The following RASGRF2 variants were observed in gnomAD, a reference collection of about 807,000 sequenced individuals.
RASGRF2 encodes Ras protein specific guanine nucleotide releasing factor 2.
Under a neutral mutation model 151.0 loss-of-function variants are expected in RASGRF2, and 76 were observed. That is an observed-to-expected ratio of 0.50 (90% CI 0.42 to 0.61). The LOEUF (loss-of-function observed/expected upper bound fraction) is 0.61, where lower values mean the gene tolerates loss of function less well. Ranked by LOEUF, RASGRF2 falls within the 20% of genes least tolerant of loss-of-function variation. RASGRF2 has a pLI of 0.00. For missense variants in RASGRF2, 1,148 were observed against 1,564.6 expected (o/e 0.73, Z 4.49); for synonymous variants, 504 against 566.5 (o/e 0.89, Z 1.57).
chr5:81,058,862 A>G (rs969614661), intron 2 of RASGRF2, among the ~76,000 whole-genome samples: 9 of 151,940 alleles, frequency 5.9e-5, no homozygotes, highest in African/African-American at 2.2e-4. Flanking sequence ...AAATCATATT[A>G]GATCATATTA....
intron 3 of RASGRF2, chr5:81,070,256 C>T: frequency 2.5e-6 from 1 of 406,134 alleles, no homozygotes; most frequent in Non-Finnish European, 4.6e-6. Context: ...TCTGCTAGCC[C>T]AGATCCCCGG....
chr5:81,158,597 T>G (rs184056985), intron 17 of RASGRF2, among the ~76,000 whole-genome samples: 212 of 151,968 alleles, frequency 1.4e-3, no homozygotes, highest in African/African-American at 5.0e-3. Flanking sequence ...TAAAGAAGTT[T>G]TACACCTCAA....
chr5:81,050,921 C>G (rs1750990082), intron 2 of RASGRF2, among the ~76,000 whole-genome samples: 1 of 152,132 alleles, frequency 6.6e-6, no homozygotes, highest in African/African-American at 2.4e-5. Context: ...CTGATTTAAT[C>G]TCCCTCCATT....
At chr5:80,982,064 G>C (rs555777835) in intron 1 of RASGRF2, among the ~76,000 whole-genome samples, 3 of 152,232 alleles carry the variant, frequency 2.0e-5, no homozygotes, top group Non-Finnish European at 4.4e-5. Context: ...GATCAGGACA[G>C]GCATTAGTGG....
chr5:80,981,985 G>C (rs947226387), intron 1 of RASGRF2, among the ~76,000 whole-genome samples: 6 of 152,316 alleles, frequency 3.9e-5, no homozygotes, highest in Admixed American at 2.6e-4. Context: ...GGGAAATACA[G>C]TTTTAACAAT....
chr5:81,012,533 G>A (rs746742100), intron 1 of RASGRF2, among the ~76,000 whole-genome samples: 4 of 152,224 alleles, frequency 2.6e-5, no homozygotes, highest in East Asian at 1.9e-4. Flanking sequence ...TCTAGACGGC[G>A]TCTGTCGGCG....
rs193194450 is a variant in RASGRF2, at chr5:81,158,832, G to A, written c.2687-21343G>A. ...GAAACAGGAACCCTCATACATTACT[G>A]GTGGGAACGTAAAATGGTACAGCCA... On this transcript the variant is annotated intron_variant, in intron 17 of 26. Coordinates refer to ENST00000265080, the MANE Select transcript of RASGRF2 (RefSeq NM_006909.3). 3.9e-3 allele frequency among the ~76,000 whole-genome samples: 588 copies of A among 152,282 alleles called. 32 individuals are homozygous for A. In the South Asian group the frequency reaches 0.087, roughly 22 times the overall value.
intron 18 of RASGRF2, among the ~76,000 whole-genome samples, chr5:81,194,160 A>G (rs1755209331): frequency 6.7e-6 from 1 of 149,868 alleles, no homozygotes; most frequent in South Asian, 2.2e-4. Context: ...CCTGGGCAGC[A>G]TAGAGAGAGC....
chr5:81,035,049 TGTG>T (rs979508139), intron 1 of RASGRF2, among the ~76,000 whole-genome samples: 10 of 152,274 alleles, frequency 6.6e-5, no homozygotes, highest in Admixed American at 3.3e-4. Flanking sequence ...GTTCAACTAT[TGTG>T]GTGATTCCTC....
At chr5:81,048,673 G>A (rs1750913632) in intron 2 of RASGRF2, among the ~76,000 whole-genome samples, 2 of 152,176 alleles carry the variant, frequency 1.3e-5, no homozygotes, top group Admixed American at 1.3e-4. Flanking sequence ...GCAGGAGGGA[G>A]CCATCCTCAT....
At chr5:80,996,502 T>C (rs1347326032) in intron 1 of RASGRF2, among the ~76,000 whole-genome samples, 34 of 59,070 alleles carry the variant, frequency 5.8e-4, no homozygotes, top group South Asian at 2.8e-3. Flanking sequence ...CTTCTTCTTC[T>C]TCCTCCTCCT....
At chr5:80,969,535 G>A (rs1217779831) in intron 1 of RASGRF2, among the ~76,000 whole-genome samples, 10 of 150,284 alleles carry the variant, frequency 6.7e-5, no homozygotes, top group African/African-American at 1.2e-4. Flanking sequence ...TGCAAGCTCC[G>A]CCTCCAGGGT....
chr5:81,072,399 G>A (rs1329983658), intron 4 of RASGRF2, among the ~76,000 whole-genome samples: 1 of 152,172 alleles, frequency 6.6e-6, no homozygotes, highest in Admixed American at 6.5e-5. Flanking sequence ...TGTTTAATAC[G>A]TGATCATTTA....
intron 2 of RASGRF2, among the ~76,000 whole-genome samples, chr5:81,064,355 G>C (rs567431006): frequency 6.6e-4 from 100 of 152,282 alleles, no homozygotes; most frequent in Non-Finnish European, 1.1e-3. Context: ...GAGAAGGCAA[G>C]TGAGATGGAA....
chr5:81,032,823 AG>A (rs1237822789), intron 1 of RASGRF2, among the ~76,000 whole-genome samples: 1 of 152,160 alleles, frequency 6.6e-6, no homozygotes, highest in Admixed American at 6.5e-5. Context: ...AAAGAAATAA[AG>A]GGTATTCAAT....
At chr5:81,034,218 T>C (rs942581493) in intron 1 of RASGRF2, among the ~76,000 whole-genome samples, 2 of 151,324 alleles carry the variant, frequency 1.3e-5, no homozygotes, top group Non-Finnish European at 3.0e-5. Flanking sequence ...TCACTGGCCA[T>C]CAGAGAAATG....
chr5:81,025,607 C>T (rs949902643), intron 1 of RASGRF2, among the ~76,000 whole-genome samples: 2 of 152,210 alleles, frequency 1.3e-5, no homozygotes, highest in Admixed American at 6.5e-5. Context: ...TTTCCAAGTC[C>T]AACATGGTGG....
At chr5:81,158,905 C>T (rs1013202629) in intron 17 of RASGRF2, among the ~76,000 whole-genome samples, 5 of 152,136 alleles carry the variant, frequency 3.3e-5, no homozygotes, top group Admixed American at 3.3e-4. Flanking sequence ...CATAAGCTTA[C>T]CGTAGAATCT....
intron 13 of RASGRF2, among the ~76,000 whole-genome samples, chr5:81,111,872 G>T (rs1364213565): frequency 6.6e-6 from 1 of 152,172 alleles, no homozygotes; most frequent in East Asian, 1.9e-4. Flanking sequence ...TCAGGAGAAA[G>T]AAATAACTGC....
Sources: gnomAD v4.1 joint callset for allele counts (sites outside exome capture counted in the v4.1 genomes callset) on GRCh38, gnomAD v4.1.1 for gene constraint, MANE v1.5 for transcripts, NCBI Gene and HGNC (gene_info 2026-07-23, HGNC 2026-07-21) for gene names.